Variants in WDFY4 observed in about 807,000 individuals in gnomAD.
WDFY4 encodes WDFY family member 4, also known as WD repeat- and FYVE domain-containing protein 4.
A neutral mutation model predicts 351.9 loss-of-function variants in WDFY4; 169 were observed. That is an observed-to-expected ratio of 0.48 (90% CI 0.42 to 0.55). The LOEUF is 0.55. WDFY4 is among the 20% of genes least tolerant of loss of function. The pLI is 0.00. For synonymous variants in WDFY4, 1,622 were observed against 1,574.6 expected, an observed-to-expected ratio of 1.03 and a Z score of -0.71; for missense variants, 3,803 against 3,935.6, an observed-to-expected ratio of 0.97 and a Z score of 0.90.
At chr10:48,695,482 G>A (rs1342798833) in intron 1 of WDFY4, among the ~76,000 whole-genome samples, 2 of 152,194 alleles carry the variant, frequency 1.3e-5, no homozygotes, top group Non-Finnish European at 2.9e-5. Context: ...CTTGTCAGCT[G>A]TTTGATTTCA....
At chr10:48,900,557 G>A (rs916767164) in intron 46 of WDFY4, among the ~76,000 whole-genome samples, 4 of 152,216 alleles carry the variant, frequency 2.6e-5, no homozygotes, top group Admixed American at 6.5e-5. Context: ...AAGTGGCATA[G>A]AACAGGAAGT....
chr10:48,897,504 A>C lies in WDFY4; in HGVS notation c.7367A>C (p.Asp2456Ala). 3.9e-6 allele frequency: 6 copies of C among 1,551,598 alleles called. No individual in the cohort carries two copies. Among genetic ancestry groups the C allele is most frequent in the Non-Finnish European group, 5.2e-6 (6 of 1,147,040 alleles). ...CTGTGCAGCAAAGACAGGTCCACTG[A>C]CCATTACTCGTGCCAGTGCCACAGC... The part of the protein sequence containing the change: ...FNLCSKDRST[D>A]HYSCQCHSYA... Residue 2456 changes from aspartate to alanine, a missense_variant, in exon 45 of 62, where the codon GAC (aspartate) becomes GCC (alanine). By Grantham distance (126) the Asp-to-Ala change is moderately radical. Around this residue, in one of 3 missense-constraint regions of WDFY4, gnomAD observed 3,054 missense variants for 3,148.6 expected, o/e 0.97. Transcript: ENST00000325239.
intron 31 of WDFY4, 82 bp from the exon 32 acceptor site, chr10:48,817,163 C>A: frequency 1.4e-6 from 2 of 1,456,970 alleles, no homozygotes; most frequent in Non-Finnish European, 1.8e-6. Context: ...AAGGAATCTT[C>A]TCCCTAGACC....
intron 13 of WDFY4, among the ~76,000 whole-genome samples, chr10:48,774,025 A>G (rs994553011): frequency 6.6e-6 from 1 of 152,166 alleles, no homozygotes; most frequent in African/African-American, 2.4e-5. Context: ...GCAAGCCAGC[A>G]TGGCCAGATC....
chr10:48,897,797 C>G (rs997952310), intron 45 of WDFY4, among the ~76,000 whole-genome samples: 1 of 152,262 alleles, frequency 6.6e-6, no homozygotes, highest in African/African-American at 2.4e-5. Flanking sequence ...TTGCCGTTGG[C>G]TGTTGGGCCT....
At chr10:48,972,046 A>C (rs2131842823) in intron 57 of WDFY4, among the ~76,000 whole-genome samples, 2 of 152,216 alleles carry the variant, frequency 1.3e-5, no homozygotes, top group African/African-American at 4.8e-5. Context: ...GCACAGAAAC[A>C]CCCTCGTATC....
At chr10:48,948,820 A>T (rs1841181412) in intron 51 of WDFY4, among the ~76,000 whole-genome samples, 1 of 152,230 alleles carries the variant, frequency 6.6e-6, no homozygotes, top group Non-Finnish European at 1.5e-5. Flanking sequence ...TAATCTGAGC[A>T]GGTCTGAACT....
chr10:48,686,185 GAA>G (rs2063041236), intron 1 of WDFY4, among the ~76,000 whole-genome samples: 1 of 151,878 alleles, frequency 6.6e-6, no homozygotes, highest in Non-Finnish European at 1.5e-5. Flanking sequence ...TGTGTTGAAA[GAA>G]AAGAAAATTT....
intron 1 of WDFY4, among the ~76,000 whole-genome samples, chr10:48,687,927 G>A (rs184767239): frequency 7.7e-4 from 117 of 152,178 alleles, no homozygotes; most frequent in African/African-American, 2.7e-3. Flanking sequence ...GACTACTGGC[G>A]TGCGCCACCA....
At chr10:48,883,755 A>C (rs1229968881) in intron 43 of WDFY4, among the ~76,000 whole-genome samples, 1 of 152,202 alleles carries the variant, frequency 6.6e-6, no homozygotes, top group Non-Finnish European at 1.5e-5. Flanking sequence ...AGCTGCAGGC[A>C]TCATCCTGGC....
intron 39 of WDFY4, among the ~76,000 whole-genome samples, chr10:48,833,239 G>A (rs1245753478): frequency 1.3e-5 from 2 of 151,674 alleles, no homozygotes; most frequent in Non-Finnish European, 1.5e-5. Flanking sequence ...ACGGTGGGTG[G>A]GGGGACAGGT....
chr10:48,928,198 G>A (rs1839735823), intron 47 of WDFY4, among the ~76,000 whole-genome samples: 1 of 152,316 alleles, frequency 6.6e-6, no homozygotes, highest in East Asian at 1.9e-4. Flanking sequence ...GCTGTAGTGG[G>A]TGTGCCCAGC....
chr10:48,797,298 C>T (rs993581857), intron 24 of WDFY4, among the ~76,000 whole-genome samples: 5 of 152,188 alleles, frequency 3.3e-5, no homozygotes, highest in African/African-American at 1.2e-4. Flanking sequence ...AGGGGTTAGA[C>T]TGCCCAGACT....
chr10:48,831,740 G>A (rs2068195633), intron 38 of WDFY4, among the ~76,000 whole-genome samples: 1 of 152,190 alleles, frequency 6.6e-6, no homozygotes, highest in Non-Finnish European at 1.5e-5. Flanking sequence ...AGTAGATCTG[G>A]TGCCTGCTGA....
intron 13 of WDFY4, among the ~76,000 whole-genome samples, chr10:48,769,474 C>G (rs2065789424): frequency 6.6e-6 from 1 of 152,314 alleles, no homozygotes; most frequent in African/African-American, 2.4e-5. Flanking sequence ...TCTATCATCT[C>G]TCTTCAAAAT....
chr10:48,787,523 A>T (rs2066443302), intron 20 of WDFY4, among the ~76,000 whole-genome samples: 1 of 152,202 alleles, frequency 6.6e-6, no homozygotes, highest in African/African-American at 2.4e-5. Flanking sequence ...CTACTAGCAC[A>T]TTGGGTATCA....
chr10:48,813,954 C>T lies in WDFY4; in HGVS notation c.5215-3C>T. On this transcript the variant is annotated splice_polypyrimidine_tract_variant and splice_region_variant and intron_variant, in intron 30 of 61. Coordinates refer to ENST00000325239, the MANE Select transcript of WDFY4 (RefSeq NM_001394531.1). The stretch of plus-strand genomic sequence containing the variant: ...TGCTTACAGCTCCTGCCTCCTCTTC[C>T]AGGACAGCCTTGATGCCATGCTTCA... 1 of 1,536,398 alleles carries T rather than the reference C, an allele frequency of 6.5e-7. No homozygotes were observed. The highest frequency in any genetic ancestry group is 8.8e-7 in the Non-Finnish European group (1 of 1,138,882).
chr10:48,837,379 A>G (rs913695893), intron 39 of WDFY4, among the ~76,000 whole-genome samples: 4 of 152,118 alleles, frequency 2.6e-5, no homozygotes, highest in Non-Finnish European at 5.9e-5. Flanking sequence ...CTAGACACTC[A>G]TGTTTACCTG....
At chr10:48,832,434 G>A (rs893949638) in intron 38 of WDFY4, 139 bp from the exon 39 acceptor site, 1 of 1,036,990 alleles carries the variant, frequency 9.6e-7, no homozygotes, top group Non-Finnish European at 1.3e-6. Context: ...GTGTGAGCTT[G>A]TAGCCTGGGT....
Sources: allele counts gnomAD v4.1 joint callset (sites outside exome capture counted in the v4.1 genomes callset), GRCh38; gene constraint gnomAD v4.1.1; regional missense constraint gnomAD v4.1.1; transcripts MANE v1.5; gene names NCBI Gene and HGNC (gene_info 2026-07-23, HGNC 2026-07-21).